The following ZNF423 variants were observed in gnomAD, a reference collection of about 807,000 sequenced individuals.
ZNF423 encodes Ebf-associated zinc finger protein.
ZNF423 carries 12 observed loss-of-function variants against 95.8 expected under a neutral mutation model. That is an observed-to-expected ratio of 0.13 (90% confidence interval 0.08 to 0.20). The LOEUF is 0.20. ZNF423 is among the 10% of genes least tolerant of loss of function. ZNF423 has a pLI of 1.00. For synonymous variants in ZNF423, 749 were observed against 711.9 expected, an observed-to-expected ratio of 1.05 and a Z score of -0.83; for missense variants, 1,316 against 1,737.1, an observed-to-expected ratio of 0.76 and a Z score of 4.31.
intron 3 of ZNF423, among the ~76,000 whole-genome samples, chr16:49,702,794 T>G (rs999631277): frequency 4.9e-4 from 75 of 152,314 alleles, no homozygotes; most frequent in African/African-American, 1.7e-3. Flanking sequence ...CTGGGGAGGC[T>G]GGCTCACCCA....
intron 2 of ZNF423, among the ~76,000 whole-genome samples, chr16:49,766,987 T>C (rs931720044): frequency 6.6e-6 from 1 of 151,828 alleles, no homozygotes; most frequent in Non-Finnish European, 1.5e-5. Flanking sequence ...TTTTTTTTTT[T>C]AGAGGCAGGG....
At chr16:49,534,849 G>C (rs761039366) in intron 5 of ZNF423, among the ~76,000 whole-genome samples, 21 of 152,052 alleles carry the variant, frequency 1.4e-4, no homozygotes, top group Non-Finnish European at 2.5e-4. Flanking sequence ...CCATATTTGC[G>C]ATGGCGAAAC....
intron 3 of ZNF423, among the ~76,000 whole-genome samples, chr16:49,686,329 T>C (rs1477020): frequency 0.91 from 137,759 of 152,216 alleles, 62,526 homozygotes; most frequent in African/African-American, 0.97. Flanking sequence ...TTCCTTAGCA[T>C]CATCCAAAGT....
At chr16:49,697,678 G>C (rs1471809482) in intron 3 of ZNF423, among the ~76,000 whole-genome samples, 1 of 152,270 alleles carries the variant, frequency 6.6e-6, no homozygotes, top group Non-Finnish European at 1.5e-5. Context: ...CCAGGAAGCA[G>C]TACCCTGGAC....
upstream of ZNF423, among the ~76,000 whole-genome samples, chr16:49,858,208 G>T (rs1022231788): frequency 3.4e-4 from 51 of 150,762 alleles, no homozygotes; most frequent in South Asian, 8.3e-4. The surrounding 1 kb of genome is among the most constrained non-coding windows in gnomAD (Gnocchi z 4.3). Flanking sequence ...AAAACCCGCT[G>T]CCCGCCGAGA....
At chr16:49,657,151 G>A (rs1483266506) in intron 3 of ZNF423, among the ~76,000 whole-genome samples, 1 of 152,228 alleles carries the variant, frequency 6.6e-6, no homozygotes, top group African/African-American at 2.4e-5. Flanking sequence ...ACCTCTCAGG[G>A]TGACACGCTC....
At chr16:49,704,575 T>C (rs538476593) in intron 3 of ZNF423, among the ~76,000 whole-genome samples, 6 of 152,238 alleles carry the variant, frequency 3.9e-5, no homozygotes, top group South Asian at 2.1e-4. Flanking sequence ...TAGAGCCTGA[T>C]AGAGAGGAAG....
Position 49,638,746 on chromosome 16 carries a change from G to A in ZNF423, c.430C>T (p.Leu144=). Reference sequence around the variant, plus strand: ...TCGCAGAACTGGCAAGGGTATGGCAGGCCCGTGCCCCCTTCCTCCTCGCCG... The same window carrying A: ...TCGCAGAACTGGCAAGGGTATGGCAAGCCCGTGCCCCCTTCCTCCTCGCCG... ...GLGEEEGGTG[L]PYPCQFCDKS... Residue 144 remains leucine (L), a synonymous_variant, in exon 4 of 8, where the codon CTG becomes TTG. Transcript: ENST00000563137. The surrounding 1 kb of genome is among the most constrained non-coding windows in gnomAD (Gnocchi z 5.6). 1 of 1,614,174 alleles carries A rather than the reference G, an allele frequency of 6.2e-7. No homozygotes were observed. The highest frequency in any genetic ancestry group is 1.1e-5 in the South Asian group (1 of 91,080).
intron 3 of ZNF423, among the ~76,000 whole-genome samples, chr16:49,729,459 T>C (rs969285476): frequency 6.6e-6 from 1 of 152,166 alleles, no homozygotes; most frequent in Middle Eastern, 3.4e-3. Flanking sequence ...TGCCCTAGTA[T>C]TTCCCTTGGG....
chr16:49,575,516 T>A (rs1970469607), intron 5 of ZNF423, among the ~76,000 whole-genome samples: 1 of 152,104 alleles, frequency 6.6e-6, no homozygotes, highest in African/African-American at 2.4e-5. Context: ...GCAGAGCATG[T>A]GTTAGGAGTG....
chr16:49,518,923 G>A (rs1164943964), intron 7 of ZNF423, among the ~76,000 whole-genome samples: 1 of 152,184 alleles, frequency 6.6e-6, no homozygotes, highest in Non-Finnish European at 1.5e-5. Context: ...AATTAGCTGG[G>A]TGTGGTGGTG....
chr16:49,821,117 T>G (rs1435332610), intron 1 of ZNF423, among the ~76,000 whole-genome samples: 2 of 152,150 alleles, frequency 1.3e-5, no homozygotes, highest in Non-Finnish European at 2.9e-5. Context: ...TTTGGAGATT[T>G]TATAGCCTGA....
chr16:49,518,591 A>C, intron 7 of ZNF423: 1 of 426,048 alleles, frequency 2.3e-6, no homozygotes, highest in Non-Finnish European at 4.5e-6. Context: ...ATTGCAAAAA[A>C]AAAAAAAAGT....
chr16:49,562,282 C>T (rs375068645), intron 5 of ZNF423, among the ~76,000 whole-genome samples: 1 of 152,346 alleles, frequency 6.6e-6, no homozygotes, highest in East Asian at 1.9e-4. Context: ...AGACAGGTCT[C>T]AGTCCCAGCC....
chr16:49,526,885 A>G (rs183492668), intron 5 of ZNF423, among the ~76,000 whole-genome samples: 24 of 152,310 alleles, frequency 1.6e-4, no homozygotes, highest in African/African-American at 5.8e-4. Flanking sequence ...CAGGCATGTC[A>G]GTGTTGGTGA....
intron 3 of ZNF423, among the ~76,000 whole-genome samples, chr16:49,709,183 T>TATATATATATAA (rs58833331): frequency 0.029 from 4,208 of 145,246 alleles, 288 homozygotes; most frequent in African/African-American, 0.1. Flanking sequence ...TATATATATA[T>TATATATATATAA]GAAAACGGAG....
chr16:49,757,605 T>C (rs2033750810), intron 2 of ZNF423, among the ~76,000 whole-genome samples: 2 of 152,196 alleles, frequency 1.3e-5, no homozygotes, highest in African/African-American at 4.8e-5. Flanking sequence ...CCTCAGGCTA[T>C]TGTGGACACC....
intron 5 of ZNF423, among the ~76,000 whole-genome samples, chr16:49,530,242 C>G (rs185522123): frequency 6.6e-6 from 1 of 152,070 alleles, no homozygotes; most frequent in Non-Finnish European, 1.5e-5. Flanking sequence ...GACCCCCAGA[C>G]CATCCCACAC....
At chr16:49,770,681 C>T (rs971496278) in intron 2 of ZNF423, among the ~76,000 whole-genome samples, 2 of 152,042 alleles carry the variant, frequency 1.3e-5, no homozygotes, top group African/African-American at 2.4e-5. Context: ...AGAGGGTGCT[C>T]TCGGAGGGGC....
Sources: allele counts gnomAD v4.1 joint callset (sites outside exome capture counted in the v4.1 genomes callset), GRCh38; gene constraint gnomAD v4.1.1; non-coding constraint Gnocchi (gnomAD v3.1); transcripts MANE v1.5; gene names NCBI Gene and HGNC (gene_info 2026-07-23, HGNC 2026-07-21).